The following CADM2 variants were observed in gnomAD, a reference collection of about 807,000 sequenced individuals.
CADM2 encodes immunoglobulin superfamily member 4D.
Under a neutral mutation model 49.8 loss-of-function variants are expected in CADM2, and 12 were observed. The ratio of observed to expected loss-of-function variants is 0.24; its 90% CI spans 0.15 to 0.39. CADM2 has a LOEUF of 0.39. Ranked by LOEUF, CADM2 falls within the 10% of genes least tolerant of loss-of-function variation. The probability of loss-of-function intolerance (pLI) is 1.00; values close to 1 mark genes in which losing one functional copy is unlikely to be tolerated. For synonymous variants in CADM2, 214 were observed against 175.4 expected (o/e 1.22, Z -1.74); for missense variants, 378 against 492.3 (o/e 0.77, Z 2.20).
chr3:85,567,162 T>C lies in CADM2; in HGVS notation c.62-159360T>C, dbSNP rs150835442. 1.3e-3 allele frequency among the ~76,000 whole-genome samples: 195 copies of C among 152,272 alleles called. 4 individuals carry two copies. The East Asian group carries it at 0.034, about 26-fold the overall frequency. On this transcript the variant is annotated intron_variant, in intron 1 of 9. Transcript: ENST00000383699. ...TTGACAATAAAATGGGTGGAGGGTT[T>C]TAAAGCACATAAAATCGCGTCTGGT...
At chr3:85,133,978 GCGGGCTGCAGGTCC>G (rs1318866539) in intron 1 of CADM2, among the ~76,000 whole-genome samples, 3 of 148,900 alleles carry the variant, frequency 2.0e-5, no homozygotes, top group Non-Finnish European at 3.0e-5. Context: ...CTCAGGCATG[GCGGGCTGCAGGTCC>G]CGAGCCCTGC....
chr3:85,070,674 T>C (rs1255255418), intron 1 of CADM2, among the ~76,000 whole-genome samples: 1 of 152,080 alleles, frequency 6.6e-6, no homozygotes, highest in Non-Finnish European at 1.5e-5. Context: ...ACTAATACTA[T>C]AAATATGGCA....
intron 8 of CADM2, among the ~76,000 whole-genome samples, chr3:86,030,306 TAAAG>T (rs1734407526): frequency 6.6e-6 from 1 of 152,010 alleles, no homozygotes. Context: ...TTTTATGTTA[TAAAG>T]AAAGAAACAA....
At chr3:85,339,317 A>G (rs1033058238) in intron 1 of CADM2, among the ~76,000 whole-genome samples, 1 of 151,484 alleles carries the variant, frequency 6.6e-6, no homozygotes, top group Non-Finnish European at 1.5e-5. Context: ...AAGACAAGCT[A>G]TATGTTAAAG....
intron 1 of CADM2, among the ~76,000 whole-genome samples, chr3:85,095,302 A>G (rs1236925890): frequency 1.3e-5 from 2 of 152,164 alleles, no homozygotes; most frequent in African/African-American, 4.8e-5. Flanking sequence ...AAAATGGTCT[A>G]AAGTGGGACT....
chr3:86,064,483 C>A (rs999375294), intron 8 of CADM2, among the ~76,000 whole-genome samples: 3 of 152,126 alleles, frequency 2.0e-5, no homozygotes, highest in Non-Finnish European at 4.4e-5. Flanking sequence ...GGATCCAAGT[C>A]TTTGCTATTG....
chr3:85,177,309 T>C (rs1488696944), intron 1 of CADM2, among the ~76,000 whole-genome samples: 1 of 152,124 alleles, frequency 6.6e-6, no homozygotes, highest in African/African-American at 2.4e-5. Context: ...CAAGATATTT[T>C]GTGTTAGTAT....
intron 1 of CADM2, among the ~76,000 whole-genome samples, chr3:85,476,141 C>T (rs1333933952): frequency 6.6e-6 from 1 of 151,808 alleles, no homozygotes; most frequent in African/African-American, 2.4e-5. Context: ...AGGGATTTGC[C>T]TCAAGAGACC....
chr3:85,543,651 C>A (rs934874666), intron 1 of CADM2, among the ~76,000 whole-genome samples: 27 of 152,200 alleles, frequency 1.8e-4, no homozygotes, highest in African/African-American at 6.3e-4. Context: ...TAATTTATAA[C>A]AAACAGAAAT....
intron 3 of CADM2, among the ~76,000 whole-genome samples, chr3:85,859,293 C>T (rs369014249): frequency 1.0e-4 from 12 of 119,800 alleles, no homozygotes; most frequent in African/African-American, 3.6e-4. Flanking sequence ...TGCAGTGGTG[C>T]GATCTTGGCT....
intron 1 of CADM2, among the ~76,000 whole-genome samples, chr3:85,059,553 C>G (rs1282903951): frequency 6.6e-6 from 1 of 152,108 alleles, no homozygotes; most frequent in Non-Finnish European, 1.5e-5. Flanking sequence ...CCACCCAAAT[C>G]TAATCTTGAA....
At chr3:85,338,714 C>A (rs911370987) in intron 1 of CADM2, among the ~76,000 whole-genome samples, 1 of 151,352 alleles carries the variant, frequency 6.6e-6, no homozygotes, top group Non-Finnish European at 1.5e-5. Context: ...TTTCTGATTC[C>A]TAAGGTCTAT....
chr3:85,496,511 A>C (rs1459548334), intron 1 of CADM2, among the ~76,000 whole-genome samples: 1 of 152,114 alleles, frequency 6.6e-6, no homozygotes, highest in Admixed American at 6.6e-5. Context: ...ATACGAATGC[A>C]TGTGTCTTTT....
At chr3:85,349,538 T>C (rs1576395806) in intron 1 of CADM2, among the ~76,000 whole-genome samples, 1 of 152,356 alleles carries the variant, frequency 6.6e-6, no homozygotes, top group East Asian at 1.9e-4. Flanking sequence ...GGCATTACAG[T>C]GCGAGAAAGA....
intron 2 of CADM2, among the ~76,000 whole-genome samples, chr3:85,794,252 G>C (rs980583343): frequency 1.3e-5 from 2 of 152,128 alleles, no homozygotes; most frequent in Non-Finnish European, 2.9e-5. Context: ...TCTTGACCAT[G>C]AACAAATGCA....
intron 1 of CADM2, among the ~76,000 whole-genome samples, chr3:85,431,922 G>A (rs990679993): frequency 9.2e-6 from 1 of 108,686 alleles, no homozygotes; most frequent in African/African-American, 3.1e-5. Context: ...GAAGAGGTGA[G>A]GTTTTATAGA....
intron 1 of CADM2, among the ~76,000 whole-genome samples, chr3:85,531,002 C>T (rs1404048770): frequency 6.6e-6 from 1 of 152,038 alleles, no homozygotes; most frequent in Non-Finnish European, 1.5e-5. Context: ...AAAATACCCT[C>T]TCCATCAGAA....
At chr3:85,123,107 A>G (rs952813561) in intron 1 of CADM2, among the ~76,000 whole-genome samples, 1 of 152,028 alleles carries the variant, frequency 6.6e-6, no homozygotes, top group Admixed American at 6.6e-5. Flanking sequence ...CTTTTTTCCT[A>G]CTTTTTTTCC....
At chr3:85,413,801 A>T (rs2035788760) in intron 1 of CADM2, among the ~76,000 whole-genome samples, 2 of 152,184 alleles carry the variant, frequency 1.3e-5, no homozygotes, top group Admixed American at 1.3e-4. Flanking sequence ...TGTAAACAGT[A>T]TCAGTATAGA....
Sources: allele counts gnomAD v4.1 joint callset (sites outside exome capture counted in the v4.1 genomes callset), GRCh38; gene constraint gnomAD v4.1.1; transcripts MANE v1.5; gene names NCBI Gene and HGNC (gene_info 2026-07-23, HGNC 2026-07-21).